Variants in PATJ observed in about 807,000 individuals in gnomAD.
PATJ encodes PATJ crumbs cell polarity complex component, also known as inaD-like protein.
Under a neutral mutation model 224.9 loss-of-function variants are expected in PATJ, and 190 were observed. The observed-to-expected ratio is 0.84, with a 90% confidence interval of 0.75 to 0.95. The LOEUF (loss-of-function observed/expected upper bound fraction) is 0.95. Ranked by LOEUF, PATJ falls within the 40% of genes least tolerant of loss-of-function variation. The pLI is 0.00. For synonymous variants in PATJ, 769 were observed against 820.3 expected (o/e 0.94, Z 1.07); for missense variants, 2,121 against 2,270.3 (o/e 0.93, Z 1.34).
chr1:61,771,648 A>C, intron 6 of PATJ, 22 bp downstream of exon 6: 1 of 1,522,090 alleles, frequency 6.6e-7, no homozygotes, highest in East Asian at 2.4e-5. Flanking sequence ...ATTTGAAAAA[A>C]TACTTAATTT....
chr1:61,967,476 A>T (rs1450351035), intron 27 of PATJ, among the ~76,000 whole-genome samples: 1 of 152,250 alleles, frequency 6.6e-6, no homozygotes, highest in Non-Finnish European at 1.5e-5. Context: ...AAAAAAGATA[A>T]GAGTGCTAAG....
At chr1:61,760,801 C>T (rs528914533) in intron 1 of PATJ, among the ~76,000 whole-genome samples, 1 of 151,544 alleles carries the variant, frequency 6.6e-6, no homozygotes, top group Non-Finnish European at 1.5e-5. Context: ...TTATTAGAGA[C>T]GGGGTTTCTC....
chr1:61,872,811 A>G (rs921931885), intron 20 of PATJ, among the ~76,000 whole-genome samples: 6 of 152,176 alleles, frequency 3.9e-5, no homozygotes, highest in African/African-American at 1.4e-4. Flanking sequence ...TCTGTCTAAT[A>G]AAACTTGACT....
At chr1:61,810,735 TAAATA>T (rs1654572050) in intron 14 of PATJ, among the ~76,000 whole-genome samples, 1 of 149,596 alleles carries the variant, frequency 6.7e-6, no homozygotes, top group Non-Finnish European at 1.5e-5. Context: ...AATAAATAAA[TAAATA>T]AATAAACCCA....
chr1:61,885,420 G>A (rs1206967698), intron 22 of PATJ, among the ~76,000 whole-genome samples: 1 of 152,050 alleles, frequency 6.6e-6, no homozygotes, highest in South Asian at 2.1e-4. Flanking sequence ...CAAAAGACAC[G>A]AAAAAATGCT....
chr1:62,016,071 G>A (rs1646755080), intron 28 of PATJ, among the ~76,000 whole-genome samples: 1 of 152,190 alleles, frequency 6.6e-6, no homozygotes, highest in Admixed American at 6.5e-5. Context: ...GATTACAGGT[G>A]TGAGCCACTG....
intron 27 of PATJ, among the ~76,000 whole-genome samples, chr1:61,952,870 G>T (rs895507891): frequency 1.3e-5 from 2 of 152,166 alleles, no homozygotes; most frequent in African/African-American, 4.8e-5. Flanking sequence ...TTTAAAAACT[G>T]ACCATTCAGC....
In PATJ at chr1:61,864,250, G is replaced by T. The variant is rs772197379; in HGVS notation, c.2452G>T (p.Glu818Ter). 5.6e-6 allele frequency: 9 copies of T among 1,608,066 alleles called. No individual in the cohort carries two copies. The highest frequency in any genetic ancestry group is 4.2e-6 in the Non-Finnish European group (5 of 1,177,492). The change falls in exon 20 of 44, where the codon GAA (glutamate) becomes TAA (stop). Residue 818 changes from glutamate (E) to a stop codon, truncating the protein, a stop_gained. Coordinates refer to ENST00000642238, the MANE Select transcript of PATJ (RefSeq NM_001350145.3). LOFTEE classifies it high-confidence loss of function. The part of the protein sequence containing the change: ...ILEAPKGFRD[E>*]PYFKEELVDE... ...CTTTTATTTATAGGGATTTAGAGAT[G>T]AACCATATTTTAAAGAAGAACTTGT...
chr1:62,132,315 T>C (rs543115268), intron 41 of PATJ, among the ~76,000 whole-genome samples: 1 of 152,284 alleles, frequency 6.6e-6, no homozygotes, highest in South Asian at 2.1e-4. Context: ...CTGGCCAACA[T>C]AGAGAAACCT....
rs557464862 is a variant in PATJ at position 62,161,331 on chromosome 1, C to CTTTTTTTTTTTTTTTTTTTTTTTTTTTT, written c.*302_*303insTTTTTTTTTTTTTTTTTTTTTTTTTTTT. 1 of 92,682 alleles carries CTTTTTTTTTTTTTTTTTTTTTTTTTTTT rather than the reference C, an allele frequency of 1.1e-5. No homozygotes were observed. Among genetic ancestry groups the CTTTTTTTTTTTTTTTTTTTTTTTTTTTT allele is most frequent in the African/African-American group, 4.1e-5 (1 of 24,524 alleles). 5.7% of individuals were successfully genotyped at this position (92,682 alleles called of 1,614,324 possible). On this transcript the variant is annotated 3_prime_UTR_variant, in exon 44 of 44. Coordinates refer to ENST00000642238, the MANE Select transcript of PATJ (RefSeq NM_001350145.3). ...GCATTTAATTTCAGTGTTCCGATTT[C>CTTTTTTTTTTTTTTTTTTTTTTTTTTTT]TTTTTTTTTTTTTTTTTTTTTTTTT...
intron 21 of PATJ, among the ~76,000 whole-genome samples, chr1:61,878,194 C>A (rs1167799948): frequency 6.6e-6 from 1 of 152,170 alleles, no homozygotes; most frequent in Non-Finnish European, 1.5e-5. Flanking sequence ...TGGTTTTAAG[C>A]CATTCCTGCC....
chr1:62,147,672 G>A (rs780411470), intron 41 of PATJ, among the ~76,000 whole-genome samples: 1 of 152,016 alleles, frequency 6.6e-6, no homozygotes, highest in South Asian at 2.1e-4. Context: ...ACTGGCACTC[G>A]CCTGTAGTCC....
Position 62,037,877 on chromosome 1 carries a change from T to C in PATJ, c.3960-100T>C, listed in dbSNP as rs1330340925. On this transcript the variant is annotated intron_variant, in intron 29 of 43. Coordinates refer to ENST00000642238, the MANE Select transcript of PATJ (RefSeq NM_001350145.3). ...ATATATATTTAATTCTATGATGCTG[T>C]GTGTGCATTTTCAACTGAGAACTGA... The C allele has an allele frequency of 5.8e-6, 3 of 521,216 alleles. No homozygotes were observed. In the African/African-American group the frequency reaches 5.8e-5, roughly 10 times the overall value. The allele number at this position is 521,216 out of a possible 1,614,324, so 32.3% of individuals were successfully genotyped here. A position where few individuals can be genotyped will look rare whatever the true frequency, so the allele number is the denominator to read the frequency against.
chr1:62,062,168 T>G (rs1221625213), intron 31 of PATJ, among the ~76,000 whole-genome samples: 1 of 151,926 alleles, frequency 6.6e-6, no homozygotes, highest in African/African-American at 2.4e-5. Flanking sequence ...ATCTCTAAAG[T>G]GCTTGCCACA....
chr1:61,882,335 G>T (rs1250857117), intron 21 of PATJ, among the ~76,000 whole-genome samples: 2 of 152,180 alleles, frequency 1.3e-5, no homozygotes, highest in African/African-American at 4.8e-5. Flanking sequence ...ATGGCTGAGA[G>T]AATAAGAAAT....
intron 16 of PATJ, among the ~76,000 whole-genome samples, chr1:61,831,681 CAG>C (rs1313128254): frequency 1.3e-5 from 2 of 152,148 alleles, no homozygotes; most frequent in Admixed American, 6.5e-5. Context: ...TAAAAAATAA[CAG>C]ATGCTGGGGA....
chr1:61,977,504 AAAG>A lies in PATJ; in HGVS notation c.3671-12659_3671-12657del, dbSNP rs959231176. Among the ~76,000 whole-genome samples the A allele has an allele frequency of 1.1e-3, 172 of 152,194 alleles. 8 individuals are homozygous for A. Among genetic ancestry groups the A allele is most frequent in the African/African-American group, 3.9e-3 (163 of 41,438 alleles). ...AAAGGAAATAATAGTAGAATTTTAA[AAAG>A]AAGATTAAAAAGGTTAATTGATAGG... On this transcript the variant is annotated intron_variant, in intron 27 of 43. Transcript: ENST00000642238.
chr1:61,788,687 T>G (rs1427684917), intron 8 of PATJ, among the ~76,000 whole-genome samples: 1 of 152,058 alleles, frequency 6.6e-6, no homozygotes, highest in African/African-American at 2.4e-5. Context: ...TTTTGTTTTG[T>G]TTTTGAGATG....
intron 28 of PATJ, among the ~76,000 whole-genome samples, chr1:62,016,444 A>C (rs12084203): frequency 0.17 from 25,210 of 152,180 alleles, 2,448 homozygotes; most frequent in East Asian, 0.44. Context: ...ACACTATACT[A>C]TCTCTTAAAT....
Sources: allele counts gnomAD v4.1 joint callset (sites outside exome capture counted in the v4.1 genomes callset), GRCh38; gene constraint gnomAD v4.1.1; transcripts MANE v1.5; gene names NCBI Gene and HGNC (gene_info 2026-07-23, HGNC 2026-07-21).